The following RAB3B variants were observed in gnomAD, a reference collection of about 807,000 sequenced individuals.
RAB3B encodes the protein RAB3B, member RAS oncogene family, also known as ras-related protein Rab-3B.
In RAB3B, 11 loss-of-function variants were observed where a neutral mutation model predicts 20.5. The observed-to-expected ratio is 0.54, with a 90% CI of 0.34 to 0.89. The LOEUF is 0.89. RAB3B is among the 40% of genes least tolerant of loss of function. RAB3B has a pLI of 0.02. For missense variants in RAB3B, 225 were observed against 280.9 expected (o/e 0.80, Z 1.42); for synonymous variants, 99 against 106.3 (o/e 0.93, Z 0.42).
intron 2 of RAB3B, among the ~76,000 whole-genome samples, chr1:51,965,360 T>A (rs1421114007): frequency 2.6e-5 from 4 of 152,150 alleles, no homozygotes; most frequent in African/African-American, 9.6e-5. Context: ...TTTAAAAGGG[T>A]GAATTTTGGC....
intron 2 of RAB3B, among the ~76,000 whole-genome samples, chr1:51,951,618 C>G (rs191666064): frequency 1.3e-5 from 2 of 152,060 alleles, no homozygotes; most frequent in African/African-American, 2.4e-5. Flanking sequence ...TGGAGACCAG[C>G]CTGGGCAACA....
intron 4 of RAB3B, among the ~76,000 whole-genome samples, chr1:51,926,237 A>C (rs981254175): frequency 6.6e-6 from 1 of 152,194 alleles, no homozygotes; most frequent in African/African-American, 2.4e-5. Flanking sequence ...TTGTTTCCCT[A>C]GTCAGTGTGC....
chr1:51,987,343 A>G (rs2809927), intron 1 of RAB3B, among the ~76,000 whole-genome samples: 5,471 of 152,312 alleles, frequency 0.036, 123 homozygotes, highest in Non-Finnish European at 0.043. Flanking sequence ...TCTTTCAGTG[A>G]TCCTGTAAAC....
chr1:51,966,784 G>C (rs761194332), intron 2 of RAB3B, among the ~76,000 whole-genome samples: 35 of 152,118 alleles, frequency 2.3e-4, no homozygotes, highest in Non-Finnish European at 4.1e-4. Context: ...CTCAGGAACT[G>C]TCTTCACATT....
chr1:51,969,743 T>C (rs1684903282), intron 2 of RAB3B, among the ~76,000 whole-genome samples: 1 of 152,216 alleles, frequency 6.6e-6, no homozygotes, highest in African/African-American at 2.4e-5. Flanking sequence ...CTACGATTTG[T>C]TGAGTGTTTA....
At chr1:51,954,708 T>A (rs1272155279) in intron 2 of RAB3B, among the ~76,000 whole-genome samples, 1 of 152,238 alleles carries the variant, frequency 6.6e-6, no homozygotes, top group Non-Finnish European at 1.5e-5. Flanking sequence ...CAGCACAGCA[T>A]CTGGGGAGAA....
In RAB3B at chr1:51,983,562, A is replaced by G. The variant is rs565898922; in HGVS notation, c.1-6445T>C. Among the ~76,000 whole-genome samples, 9 of 152,330 alleles carry G rather than the reference A, an allele frequency of 5.9e-5. No individual in the cohort carries two copies. In the East Asian group the frequency reaches 1.7e-3, roughly 29 times the overall value. ...TCTATGATGTTCATACAACTATGAA[A>G]TCGGCTAATGACACATCCCTCAGAA... On this transcript the variant is annotated intron_variant, in intron 1 of 4. Transcript: ENST00000371655.
At chr1:51,946,922 C>G (rs1684573016) in intron 2 of RAB3B, among the ~76,000 whole-genome samples, 1 of 152,166 alleles carries the variant, frequency 6.6e-6, no homozygotes, top group East Asian at 1.9e-4. Flanking sequence ...GAGATTCAAA[C>G]CTGGTCTGTC....
At position 51,912,839 on chromosome 1, in the gene RAB3B, A is replaced by T. The variant is rs1158190546; in HGVS notation, c.*7088T>A. Reference sequence around the variant, plus strand: ...AGAAAAAGAGAAAAATCAAAGAATTAAGGATGAGTTTTCTGTGAAGACTGG... The same window carrying T: ...AGAAAAAGAGAAAAATCAAAGAATTTAGGATGAGTTTTCTGTGAAGACTGG... On this transcript the variant is annotated 3_prime_UTR_variant, in exon 5 of 5. Transcript: ENST00000371655. 3 of 152,060 alleles carry T rather than the reference A, an allele frequency of 2.0e-5. No individual in the cohort carries two copies. Among genetic ancestry groups the T allele is most frequent in the South Asian group, 4.1e-4 (2 of 4,828 alleles). 9.4% of individuals were successfully genotyped at this position (152,060 alleles called of 1,614,324 possible). A position where few individuals can be genotyped will look rare whatever the true frequency, so the allele number is the denominator to read the frequency against.
intron 2 of RAB3B, among the ~76,000 whole-genome samples, chr1:51,939,711 A>T (rs116183956): frequency 1.3e-5 from 2 of 152,320 alleles, no homozygotes; most frequent in Non-Finnish European, 2.9e-5. Context: ...AGTAACTGGG[A>T]CCACAGGCAT....
chr1:51,963,285 C>A (rs1399659081), intron 2 of RAB3B, among the ~76,000 whole-genome samples: 2 of 152,200 alleles, frequency 1.3e-5, no homozygotes, highest in Non-Finnish European at 2.9e-5. Flanking sequence ...TTCCCTACCA[C>A]CTTTTCACTG....
chr1:51,967,521 C>CTTTTTTTTTTTTTCTTT (rs771044746), intron 2 of RAB3B, among the ~76,000 whole-genome samples: 1,225 of 36,496 alleles, frequency 0.034, 284 homozygotes, highest in Middle Eastern at 0.25. Context: ...TTTTCTTTTT[C>CTTTTTTTTTTTTTCTTT]TTTTTTTTTT....
rs148689010 is a variant in RAB3B at position 51,942,263 on chromosome 1, C to T, written c.229-4851G>A. ...ATGCCCTGTTATTCTGTGAGAGTGTCGAGTCTTCCATCTCTGCCTGGAGCC... is the reference window on the plus strand; with the variant it reads ...ATGCCCTGTTATTCTGTGAGAGTGTTGAGTCTTCCATCTCTGCCTGGAGCC... On this transcript the variant is annotated intron_variant, in intron 2 of 4. Transcript: ENST00000371655. Among the ~76,000 whole-genome samples the T allele has an allele frequency of 1.2e-4, 19 of 152,276 alleles. No homozygotes were observed. The East Asian group carries it at 2.5e-3, about 20-fold the overall frequency.
In RAB3B at chr1:51,989,873, G is replaced by A. The variant is rs957933144; in HGVS notation, c.-1+679C>T. Among the ~76,000 whole-genome samples the A allele has an allele frequency of 2.3e-5, 3 of 132,930 alleles. No individual in the cohort carries two copies. The South Asian group carries it at 8.0e-4, about 35-fold the overall frequency. The allele number at this position is 132,930 out of a possible 152,430, so 87.2% of individuals were successfully genotyped here. On this transcript the variant is annotated intron_variant, in intron 1 of 4. Coordinates refer to ENST00000371655, the MANE Select transcript of RAB3B (RefSeq NM_002867.4). ...CAGCCGGGCTCAACCTCCGACCCCA[G>A]CTATCCATACCCACATCCCCCATAA...
intron 4 of RAB3B, 131 bp from the exon 5 acceptor site, chr1:51,920,245 C>G: frequency 1.3e-6 from 1 of 744,604 alleles, no homozygotes; most frequent in Non-Finnish European, 2.1e-6. Flanking sequence ...CTAAATTCCA[C>G]GGACATGGGA....
intron 1 of RAB3B, chr1:51,980,731 C>T (rs1358921064): frequency 2.6e-6 from 2 of 755,468 alleles, no homozygotes; most frequent in African/African-American, 1.7e-5. Context: ...AGTCAGGAAT[C>T]GATCTCATGA....
At chr1:51,944,225 C>T (rs1684532995) in intron 2 of RAB3B, among the ~76,000 whole-genome samples, 1 of 152,198 alleles carries the variant, frequency 6.6e-6, no homozygotes, top group Non-Finnish European at 1.5e-5. Flanking sequence ...GCCTGGATGA[C>T]AACACATCTG....
intron 1 of RAB3B, among the ~76,000 whole-genome samples, 151 bp downstream of exon 1, chr1:51,990,401 G>A (rs1037842999): frequency 6.9e-6 from 1 of 145,604 alleles, no homozygotes; most frequent in Non-Finnish European, 1.5e-5. Flanking sequence ...CCCCACCTCT[G>A]CCGCCGCGGA....
intron 2 of RAB3B, among the ~76,000 whole-genome samples, chr1:51,945,964 A>G (rs1186564828): frequency 6.6e-6 from 1 of 152,228 alleles, no homozygotes; most frequent in African/African-American, 2.4e-5. Flanking sequence ...AAAAATGCCT[A>G]CTTGGTAGGG....
Sources: gnomAD v4.1 joint callset for allele counts (sites outside exome capture counted in the v4.1 genomes callset) on GRCh38, gnomAD v4.1.1 for gene constraint, MANE v1.5 for transcripts, NCBI Gene and HGNC (gene_info 2026-07-23, HGNC 2026-07-21) for gene names.